TMTC2: variants seen among roughly 807,000 people sequenced by gnomAD.
TMTC2 encodes transmembrane O-mannosyltransferase targeting cadherins 2.
In TMTC2, 43 loss-of-function variants were observed where a neutral mutation model predicts 82.4. The observed-to-expected ratio is 0.52, with a 90% CI of 0.41 to 0.67. The LOEUF (loss-of-function observed/expected upper bound fraction) is 0.67. Among genes scored for constraint, TMTC2 ranks in the 30% least tolerant of loss-of-function variants. The pLI is 0.00. For missense variants in TMTC2, 919 were observed against 1,012.4 expected (o/e 0.91, Z 1.25); for synonymous variants, 408 against 381.9 (o/e 1.07, Z -0.80).
intron 3 of TMTC2, among the ~76,000 whole-genome samples, chr12:82,906,225 T>C (rs1274957757): frequency 2.6e-5 from 4 of 152,204 alleles, no homozygotes; most frequent in Non-Finnish European, 5.9e-5. Context: ...TGAGTGTCTT[T>C]AACTATGATG....
At chr12:82,808,487 T>C (rs1879341712) in intron 1 of TMTC2, among the ~76,000 whole-genome samples, 1 of 152,120 alleles carries the variant, frequency 6.6e-6, no homozygotes, top group Admixed American at 6.6e-5. Context: ...GAAGGAATTA[T>C]TGCTGTCAGT....
chr12:82,846,780 A>G (rs1480811016), intron 1 of TMTC2, among the ~76,000 whole-genome samples: 1 of 152,042 alleles, frequency 6.6e-6, no homozygotes, highest in African/African-American at 2.4e-5. Flanking sequence ...CATTCAACAT[A>G]TGTGTGGTAA....
intron 3 of TMTC2, among the ~76,000 whole-genome samples, chr12:82,929,727 G>C (rs1875922465): frequency 6.6e-6 from 1 of 152,068 alleles, no homozygotes; most frequent in South Asian, 2.1e-4. Flanking sequence ...AGGTTCACTG[G>C]AGAGCCGTAC....
intron 11 of TMTC2, among the ~76,000 whole-genome samples, chr12:83,064,145 AAGTGGTTGG>A (rs1882839276): frequency 6.6e-6 from 1 of 151,820 alleles, no homozygotes; most frequent in Admixed American, 6.6e-5. Context: ...ATTTTTGGTC[AAGTGGTTGG>A]TCAAATGACC....
chr12:83,018,663 GT>G (rs60811291), intron 8 of TMTC2, among the ~76,000 whole-genome samples: 25 of 143,532 alleles, frequency 1.7e-4, no homozygotes, highest in African/African-American at 5.6e-4. Context: ...AAATTTGCGG[GT>G]TTTTTTTTTT....
chr12:82,738,631 CTT>C (rs1279596464), intron 1 of TMTC2, among the ~76,000 whole-genome samples: 1 of 152,048 alleles, frequency 6.6e-6, no homozygotes, highest in Non-Finnish European at 1.5e-5. Context: ...AATAAATTGT[CTT>C]TGAACTAGTA....
chr12:83,124,986 T>C (rs1392573533), intron 11 of TMTC2, among the ~76,000 whole-genome samples: 1 of 152,134 alleles, frequency 6.6e-6, no homozygotes, highest in Non-Finnish European at 1.5e-5. Context: ...ATGAAACATA[T>C]TGTTCATCTT....
At chr12:82,854,562 A>G (rs1871154096) in intron 1 of TMTC2, among the ~76,000 whole-genome samples, 1 of 152,212 alleles carries the variant, frequency 6.6e-6, no homozygotes, top group African/African-American at 2.4e-5. Flanking sequence ...TCATATGATC[A>G]TATTTAGTAT....
intron 1 of TMTC2, among the ~76,000 whole-genome samples, chr12:82,748,700 A>C (rs2136962614): frequency 6.6e-6 from 1 of 152,232 alleles, no homozygotes; most frequent in African/African-American, 2.4e-5. Flanking sequence ...ACATGGTGAA[A>C]CCCCATCTCT....
At position 82,896,827 on chromosome 12, in the gene TMTC2, C is replaced by A. The variant is rs75104506; in HGVS notation, c.1483+181C>A. 9.5e-3 allele frequency among the ~76,000 whole-genome samples: 1,446 copies of A among 151,994 alleles called. 47 individuals carry two copies. The highest frequency in any genetic ancestry group is 0.079 in the East Asian group (410 of 5,166). ...CATATAACCAATTTAGAGACATATC[C>A]AATATTCCTTACTTGGAATAAGAAA... On this transcript the variant is annotated intron_variant, in intron 3 of 11. Coordinates refer to ENST00000321196, the MANE Select transcript of TMTC2 (RefSeq NM_152588.3).
chr12:82,873,864 G>A (rs1038050396), intron 2 of TMTC2, among the ~76,000 whole-genome samples: 8 of 152,126 alleles, frequency 5.3e-5, no homozygotes, highest in African/African-American at 1.9e-4. Flanking sequence ...ATTTAAAGCA[G>A]GGAATGAATT....
At chr12:82,792,501 C>G (rs746600531) in intron 1 of TMTC2, among the ~76,000 whole-genome samples, 6 of 152,062 alleles carry the variant, frequency 3.9e-5, no homozygotes, top group Non-Finnish European at 5.9e-5. Flanking sequence ...GAGTCTCGCT[C>G]TGTCGCCCAG....
At chr12:82,922,809 G>C (rs113744594) in intron 3 of TMTC2, among the ~76,000 whole-genome samples, 159 of 152,056 alleles carry the variant, frequency 1.0e-3, no homozygotes, top group African/African-American at 3.5e-3. Flanking sequence ...TCTGTAGGCT[G>C]TTATGGTCCA....
At position 83,126,474 on chromosome 12, in the gene TMTC2, T is replaced by C. The variant is rs185510693; in HGVS notation, c.2332-5736T>C. 1.2e-3 allele frequency among the ~76,000 whole-genome samples: 187 copies of C among 152,308 alleles called. 1 individual carries two copies. Among genetic ancestry groups the C allele is most frequent in the Non-Finnish European group, 5.3e-4 (36 of 68,004 alleles). ...GTCATACGTTTCTTTATTCATTTTG[T>C]CAATCAGCCATCAATCTGTACTGCT... On this transcript the variant is annotated intron_variant, in intron 11 of 11. Coordinates refer to ENST00000321196, the MANE Select transcript of TMTC2 (RefSeq NM_152588.3).
At chr12:82,813,670 T>A (rs1868526153) in intron 1 of TMTC2, among the ~76,000 whole-genome samples, 1 of 152,078 alleles carries the variant, frequency 6.6e-6, no homozygotes, top group Non-Finnish European at 1.5e-5. Context: ...ATGGGAAATT[T>A]CTTGCCTACC....
chr12:82,990,135 TA>T (rs1186002043), intron 8 of TMTC2, among the ~76,000 whole-genome samples: 1 of 152,192 alleles, frequency 6.6e-6, no homozygotes, highest in Non-Finnish European at 1.5e-5. Flanking sequence ...AATTGGCTGC[TA>T]GTTTCAAGAG....
chr12:83,120,064 G>T (rs1345257642), intron 11 of TMTC2, among the ~76,000 whole-genome samples: 1 of 152,142 alleles, frequency 6.6e-6, no homozygotes, highest in Non-Finnish European at 1.5e-5. Context: ...CAGATAGTTG[G>T]CTGGTGAATT....
At chr12:82,884,789 T>A (rs1029379624) in intron 2 of TMTC2, among the ~76,000 whole-genome samples, 4 of 152,232 alleles carry the variant, frequency 2.6e-5, no homozygotes, top group Non-Finnish European at 4.4e-5. Context: ...TCAGATTTTT[T>A]AGTTTTTACC....
intron 1 of TMTC2, among the ~76,000 whole-genome samples, chr12:82,717,218 C>CTTTT (rs200275370): frequency 2.2e-5 from 3 of 139,116 alleles, no homozygotes; most frequent in Non-Finnish European, 1.6e-5. Context: ...GCAAAAGGCA[C>CTTTT]TTTTTTTTTT....
Sources: gnomAD v4.1 joint callset for allele counts (sites outside exome capture counted in the v4.1 genomes callset) on GRCh38, gnomAD v4.1.1 for gene constraint, MANE v1.5 for transcripts, NCBI Gene and HGNC (gene_info 2026-07-23, HGNC 2026-07-21) for gene names.